Variants in RBPMS observed in about 807,000 individuals in gnomAD.
The protein encoded by RBPMS is RNA binding protein, mRNA processing factor.
RBPMS carries 7 observed loss-of-function variants against 26.8 expected under a neutral mutation model. That is an observed-to-expected ratio of 0.26 (90% CI 0.15 to 0.49). The LOEUF is 0.49. RBPMS is among the 20% of genes least tolerant of loss of function. The probability of loss-of-function intolerance (pLI) is 0.98; values close to 1 mark genes in which losing one functional copy is unlikely to be tolerated. For synonymous variants in RBPMS, 96 were observed against 93.3 expected, an observed-to-expected ratio of 1.03 and a Z score of -0.17; for missense variants, 186 against 250.0, an observed-to-expected ratio of 0.74 and a Z score of 1.73.
intron 5 of RBPMS, among the ~76,000 whole-genome samples, chr8:30,511,742 T>C (rs1349106608): frequency 6.6e-6 from 1 of 150,996 alleles, no homozygotes; most frequent in African/African-American, 2.4e-5. Flanking sequence ...GAGAATTGCT[T>C]GAACCCGGGA....
At chr8:30,508,626 T>G (rs1487251175) in intron 5 of RBPMS, among the ~76,000 whole-genome samples, 1 of 152,174 alleles carries the variant, frequency 6.6e-6, no homozygotes, top group Non-Finnish European at 1.5e-5. Context: ...TAATGGATTT[T>G]TTTTTTTGGT....
At chr8:30,515,711 A>AGT (rs1470368373) in intron 5 of RBPMS, among the ~76,000 whole-genome samples, 4 of 152,140 alleles carry the variant, frequency 2.6e-5, no homozygotes, top group Middle Eastern at 3.2e-3. Flanking sequence ...GCTAGAGTGC[A>AGT]GTGATGCCAT....
intron 5 of RBPMS, among the ~76,000 whole-genome samples, chr8:30,536,785 G>A (rs545573689): frequency 2.4e-4 from 37 of 151,914 alleles, no homozygotes; most frequent in Non-Finnish European, 4.3e-4. Flanking sequence ...CCTTTGTGGC[G>A]GGCACAGTAG....
chr8:30,558,018 C>T (rs1343585027), intron 6 of RBPMS, among the ~76,000 whole-genome samples: 1 of 152,158 alleles, frequency 6.6e-6, no homozygotes, highest in African/African-American at 2.4e-5. Flanking sequence ...GCATGCATGC[C>T]CACGCCCAGC....
chr8:30,511,300 C>T (rs1434082277), intron 5 of RBPMS, among the ~76,000 whole-genome samples: 7 of 150,634 alleles, frequency 4.6e-5, no homozygotes, highest in African/African-American at 9.8e-5. Flanking sequence ...GGTGACAGAG[C>T]GAGACTCTGC....
At chr8:30,449,926 T>C (rs936193496) in intron 1 of RBPMS, among the ~76,000 whole-genome samples, 6 of 152,260 alleles carry the variant, frequency 3.9e-5, no homozygotes, top group Non-Finnish European at 8.8e-5. Flanking sequence ...CAGAAAATCT[T>C]CAAAAATTAC....
intron 6 of RBPMS, among the ~76,000 whole-genome samples, chr8:30,551,181 TGAGA>T (rs35462252): frequency 6.6e-6 from 1 of 151,994 alleles, no homozygotes; most frequent in Non-Finnish European, 1.5e-5. Flanking sequence ...TCATTTGCAG[TGAGA>T]GAGACATCAG....
chr8:30,468,863 G>C (rs761824064), intron 1 of RBPMS, among the ~76,000 whole-genome samples: 4 of 152,022 alleles, frequency 2.6e-5, no homozygotes, highest in Non-Finnish European at 4.4e-5. Context: ...AGAGAGAGAT[G>C]AATGTAGCCA....
At chr8:30,450,210 T>C (rs3735769) in intron 1 of RBPMS, among the ~76,000 whole-genome samples, 51,119 of 152,126 alleles carry the variant, frequency 0.34, 9,249 homozygotes, top group African/African-American at 0.46. Flanking sequence ...AGTAACTAGT[T>C]GGCATTTTAA....
At chr8:30,562,034 T>G in intron 7 of RBPMS, 2 of 985,334 alleles carry the variant, frequency 2.0e-6, no homozygotes, top group East Asian at 2.3e-4. Flanking sequence ...AAGATCCGAA[T>G]AAGAATATGT....
intron 1 of RBPMS, among the ~76,000 whole-genome samples, chr8:30,456,506 T>TA (rs397730631): frequency 1.8e-4 from 27 of 152,186 alleles, no homozygotes; most frequent in East Asian, 1.2e-3. Context: ...GATTTTTTTT[T>TA]AAAATCATGG....
intron 5 of RBPMS, among the ~76,000 whole-genome samples, chr8:30,524,838 T>C (rs1823412755): frequency 6.6e-6 from 1 of 152,204 alleles, no homozygotes; most frequent in Admixed American, 6.5e-5. Context: ...AAACTTAATT[T>C]CAAACTTTAT....
chr8:30,420,993 C>G (rs1373727737), intron 1 of RBPMS, among the ~76,000 whole-genome samples: 2 of 152,046 alleles, frequency 1.3e-5, no homozygotes, highest in Non-Finnish European at 2.9e-5. Context: ...AAATACTTAC[C>G]TATTTGAAGT....
At chr8:30,435,877 C>T (rs997908695) in intron 1 of RBPMS, among the ~76,000 whole-genome samples, 3 of 152,190 alleles carry the variant, frequency 2.0e-5, no homozygotes, top group African/African-American at 2.4e-5. Flanking sequence ...GTGATCATAG[C>T]TCACTGCAGC....
At chr8:30,422,826 T>G (rs186843298) in intron 1 of RBPMS, among the ~76,000 whole-genome samples, 130 of 152,352 alleles carry the variant, frequency 8.5e-4, no homozygotes, top group Non-Finnish European at 1.5e-3. Context: ...AAACAAAATA[T>G]CCCAAGTTTA....
In RBPMS at chr8:30,528,795, C is replaced by A. The variant is rs771826456; in HGVS notation, c.398-15699C>A. ...AAGCCAAGTCTGTCAGGTCACAGAC[C>A]CCAAGGTGGGGGTTTTTTGGTTTGT... is the stretch of plus-strand genomic sequence containing the variant. On this transcript the variant is annotated intron_variant, in intron 5 of 8. Coordinates refer to ENST00000397323, the MANE Select transcript of RBPMS (RefSeq NM_001008710.3). 2.0e-5 allele frequency among the ~76,000 whole-genome samples: 3 copies of A among 152,030 alleles called. No individual in the cohort carries two copies. The East Asian group carries it at 5.8e-4, about 29-fold the overall frequency.
At chr8:30,521,276 T>C (rs1382220739) in intron 5 of RBPMS, among the ~76,000 whole-genome samples, 1 of 152,194 alleles carries the variant, frequency 6.6e-6, no homozygotes, top group Non-Finnish European at 1.5e-5. Flanking sequence ...TGTTTAACAT[T>C]TTCTCTTTGT....
intron 5 of RBPMS, among the ~76,000 whole-genome samples, chr8:30,535,790 T>C (rs1229539253): frequency 2.6e-5 from 4 of 152,204 alleles, no homozygotes; most frequent in Non-Finnish European, 5.9e-5. Flanking sequence ...TTGGGGATTA[T>C]ACATTCAAAC....
chr8:30,446,854 C>T lies in RBPMS; in HGVS notation c.67-27925C>T, dbSNP rs10113154. On this transcript the variant is annotated intron_variant, in intron 1 of 8. Coordinates refer to ENST00000397323, the MANE Select transcript of RBPMS (RefSeq NM_001008710.3). ...GTGTGTGTGTGTGTGCGCGCGCGCGCGCGCGGTGGAGGGTAGTGGGGTAGA... is the reference window on the plus strand; with the variant it reads ...GTGTGTGTGTGTGTGCGCGCGCGCGTGCGCGGTGGAGGGTAGTGGGGTAGA... The T allele has an allele frequency of 9.6e-3, 1,326 of 138,040 alleles. 48 individuals carry two copies. The highest frequency in any genetic ancestry group is 0.028 in the African/African-American group (967 of 34,326). 8.6% of individuals were successfully genotyped at this position (138,040 alleles called of 1,614,324 possible).
Sources: allele counts gnomAD v4.1 joint callset (sites outside exome capture counted in the v4.1 genomes callset), GRCh38; gene constraint gnomAD v4.1.1; transcripts MANE v1.5; gene names NCBI Gene and HGNC (gene_info 2026-07-23, HGNC 2026-07-21).